CDH4: variants seen among roughly 807,000 people sequenced by gnomAD.
The protein encoded by CDH4 is cadherin-4.
Under a neutral mutation model 86.0 loss-of-function variants are expected in CDH4, and 33 were observed. The observed-to-expected ratio is 0.38, with a 90% CI of 0.29 to 0.51. CDH4 has a LOEUF of 0.51. Among genes scored for constraint, CDH4 ranks in the 20% least tolerant of loss-of-function variants. CDH4 has a pLI of 0.86. For synonymous variants in CDH4, 555 were observed against 549.4 expected (o/e 1.01, Z -0.14); for missense variants, 1,114 against 1,307.4 (o/e 0.85, Z 2.28).
intron 4 of CDH4, among the ~76,000 whole-genome samples, chr20:61,777,394 C>A (rs555729231): frequency 6.6e-6 from 1 of 152,244 alleles, no homozygotes; most frequent in African/African-American, 2.4e-5. Context: ...CTCAGAGTCC[C>A]TGCAAGTATC....
intron 2 of CDH4, among the ~76,000 whole-genome samples, chr20:61,579,296 T>C (rs953382442): frequency 6.7e-6 from 1 of 150,022 alleles, no homozygotes; most frequent in Non-Finnish European, 1.5e-5. Flanking sequence ...TTTTTTTTTT[T>C]TTTTTTTTGA....
intron 3 of CDH4, among the ~76,000 whole-genome samples, chr20:61,752,253 G>A (rs989018559): frequency 1.3e-5 from 2 of 148,924 alleles, no homozygotes; most frequent in Non-Finnish European, 3.0e-5. Flanking sequence ...AATCACTTGA[G>A]CCCGAGAGGT....
intron 2 of CDH4, among the ~76,000 whole-genome samples, chr20:61,279,016 G>C (rs963458450): frequency 6.6e-6 from 1 of 152,234 alleles, no homozygotes; most frequent in Non-Finnish European, 1.5e-5. Context: ...CGTGCTGAGA[G>C]TGGAGGGGCT....
chr20:61,296,599 C>T (rs1369367475), intron 2 of CDH4, among the ~76,000 whole-genome samples: 3 of 152,280 alleles, frequency 2.0e-5, no homozygotes, highest in East Asian at 1.9e-4. Flanking sequence ...TTTACCGCCT[C>T]GTAAATGTTA....
intron 2 of CDH4, among the ~76,000 whole-genome samples, chr20:61,522,313 C>T (rs1373694708): frequency 6.6e-6 from 1 of 152,158 alleles, no homozygotes; most frequent in Non-Finnish European, 1.5e-5. Context: ...GGGAGGGATC[C>T]CAGACCCCAA....
At chr20:61,797,253 C>T (rs1262282468) in intron 4 of CDH4, among the ~76,000 whole-genome samples, 1 of 152,228 alleles carries the variant, frequency 6.6e-6, no homozygotes, top group Non-Finnish European at 1.5e-5. Context: ...AGGGTTCACA[C>T]CAGCCACTGC....
intron 2 of CDH4, among the ~76,000 whole-genome samples, chr20:61,453,127 G>T (rs903286661): frequency 6.6e-6 from 1 of 152,028 alleles, no homozygotes; most frequent in Non-Finnish European, 1.5e-5. Context: ...TTGAAAGGAA[G>T]GGGAAAAAAG....
rs1352169463 is a variant in CDH4, at chr20:61,939,640, T to C, written c.*2697T>C. The C allele has an allele frequency of 6.6e-6, 1 of 152,258 alleles. No homozygotes were observed. The highest frequency in any genetic ancestry group is 6.5e-5 in the Admixed American group (1 of 15,286). 9.4% of individuals were successfully genotyped at this position (152,258 alleles called of 1,614,324 possible). A position where few individuals can be genotyped will look rare whatever the true frequency, so the allele number is the denominator to read the frequency against. On this transcript the variant is annotated 3_prime_UTR_variant, in exon 16 of 16. Transcript: ENST00000614565. Reference sequence around the variant, plus strand: ...CGAACGTCTCTCTTCCTTAAGCTTGTAGATACGACTGCCTATAATCAGGGG... The same window carrying C: ...CGAACGTCTCTCTTCCTTAAGCTTGCAGATACGACTGCCTATAATCAGGGG...
intron 2 of CDH4, among the ~76,000 whole-genome samples, chr20:61,730,152 G>A (rs544466963): frequency 2.8e-4 from 42 of 152,214 alleles, no homozygotes; most frequent in Admixed American, 1.6e-3. Context: ...CAGTACCGAC[G>A]CGTTATTAGG....
chr20:61,331,584 C>T (rs1568800991), intron 2 of CDH4, among the ~76,000 whole-genome samples: 3 of 152,076 alleles, frequency 2.0e-5, no homozygotes, highest in South Asian at 4.2e-4. Flanking sequence ...ACCACCTGCC[C>T]CAGGCCCACC....
At chr20:61,340,829 T>A (rs140900643) in intron 2 of CDH4, among the ~76,000 whole-genome samples, 6,630 of 152,316 alleles carry the variant, frequency 0.044, 186 homozygotes, top group Middle Eastern at 0.068. Context: ...TGATACTTGA[T>A]TCTGTTTACC....
rs1354360338 is a variant in CDH4 at position 61,722,699 on chromosome 20, A to G, written c.170-20864A>G. ...ACCAGCATCACGCTCTGCTCTTTCA[A>G]GTGACAAGATCTGGGAGCAGTTTGG... On this transcript the variant is annotated intron_variant, in intron 2 of 15. Transcript: ENST00000614565. Among the ~76,000 whole-genome samples, 3 of 148,126 alleles carry G rather than the reference A, an allele frequency of 2.0e-5. No homozygotes were observed. The East Asian group carries it at 5.9e-4, about 29-fold the overall frequency.
At chr20:61,424,417 A>G (rs1346355271) in intron 2 of CDH4, among the ~76,000 whole-genome samples, 1 of 152,136 alleles carries the variant, frequency 6.6e-6, no homozygotes, top group Non-Finnish European at 1.5e-5. Flanking sequence ...ATGTATCCAC[A>G]CACAGCACAC....
At chr20:61,541,220 G>T (rs1035225537) in intron 2 of CDH4, among the ~76,000 whole-genome samples, 1 of 152,110 alleles carries the variant, frequency 6.6e-6, no homozygotes, top group African/African-American at 2.4e-5. Context: ...CTCATGTGCT[G>T]CCCTCCCACT....
chr20:61,273,335 G>T (rs2084196827), intron 2 of CDH4, among the ~76,000 whole-genome samples: 1 of 137,462 alleles, frequency 7.3e-6, no homozygotes, highest in African/African-American at 2.8e-5. Context: ...CAGTTTGGGA[G>T]AGTACCTTGT....
At chr20:61,827,747 A>C (rs1477144824) in intron 4 of CDH4, among the ~76,000 whole-genome samples, 1 of 152,192 alleles carries the variant, frequency 6.6e-6, no homozygotes, top group Non-Finnish European at 1.5e-5. Context: ...ACAAGATGAG[A>C]CCAAAACACT....
intron 2 of CDH4, among the ~76,000 whole-genome samples, chr20:61,477,171 G>C (rs1328258761): frequency 1.3e-5 from 2 of 152,214 alleles, no homozygotes; most frequent in African/African-American, 4.8e-5. Context: ...GCGGAATCCT[G>C]TGGGCAGGGA....
chr20:61,298,945 A>C (rs972203557), intron 2 of CDH4, among the ~76,000 whole-genome samples: 2 of 152,148 alleles, frequency 1.3e-5, no homozygotes, highest in Non-Finnish European at 2.9e-5. Flanking sequence ...AAAACAGCCA[A>C]TTTGGAACCC....
At chr20:61,871,437 C>CT (rs2146145394) in intron 6 of CDH4, among the ~76,000 whole-genome samples, 1 of 152,256 alleles carries the variant, frequency 6.6e-6, no homozygotes, top group East Asian at 1.9e-4. Flanking sequence ...CGAATGATTT[C>CT]TTTTTGCTGC....
Sources: allele counts gnomAD v4.1 joint callset (sites outside exome capture counted in the v4.1 genomes callset), GRCh38; gene constraint gnomAD v4.1.1; transcripts MANE v1.5; gene names NCBI Gene and HGNC (gene_info 2026-07-23, HGNC 2026-07-21).